Variants in RAB9B observed in about 807,000 individuals in gnomAD.
The protein encoded by RAB9B is ras-related protein Rab-9B.
In RAB9B, 1 loss-of-function variant was observed where a neutral mutation model predicts 8.9. The ratio of observed to expected loss-of-function variants is 0.11; its 90% CI spans 0.04 to 0.53. The LOEUF is 0.53. Among genes scored for constraint, RAB9B ranks in the 20% least tolerant of loss-of-function variants. The pLI is 0.93. For missense variants in RAB9B, 82 were observed against 152.9 expected (o/e 0.54, Z 2.45); for synonymous variants, 63 against 57.0 (o/e 1.10, Z -0.47).
At chrX:103,805,781 G>A in the RAB9B span, among the ~76,000 whole-genome samples, 1 of 110,761 alleles carries the variant, frequency 9.0e-6, no homozygotes, top group East Asian at 2.8e-4. Context: ...AATTCTTTAA[G>A]GTGATACTTT....
In RAB9B at chrX:103,825,900, C is replaced by T. The variant is rs2074681614; in HGVS notation, c.-42-74G>A. The T allele has an allele frequency of 4.9e-6, 4 of 822,657 alleles. No individual in the cohort carries two copies. In the African/African-American group the frequency reaches 8.3e-5, roughly 17 times the overall value. 67.8% of individuals were successfully genotyped at this position (822,657 alleles called of 1,213,427 possible). A position where few individuals can be genotyped will look rare whatever the true frequency, so the allele number is the denominator to read the frequency against. ...GAAATCAACTTCATAGCAAATTTCT[C>T]TGAATTATAAGGCCTTCTCATTCAA... is the stretch of plus-strand genomic sequence containing the variant. On this transcript the variant is annotated intron_variant, in intron 2 of 2. Transcript: ENST00000243298.
chrX:103,783,128 T>C, the RAB9B span, among the ~76,000 whole-genome samples: 899 of 111,801 alleles, frequency 8.0e-3, 6 homozygotes, highest in African/African-American at 0.028. Flanking sequence ...AAGAGGAAGA[T>C]CAATTTCTGG....
downstream of RAB9B, among the ~76,000 whole-genome samples, chrX:103,821,722 A>G (rs1183767044): frequency 1.8e-5 from 2 of 111,726 alleles, no homozygotes; most frequent in African/African-American, 6.5e-5. Context: ...CTCTGTTTAT[A>G]TTTTTTGATG....
chrX:103,808,574 C>A, the RAB9B span, among the ~76,000 whole-genome samples: 4 of 112,738 alleles, frequency 3.5e-5, no homozygotes, highest in Non-Finnish European at 7.5e-5. Context: ...GCACATGACC[C>A]ACCCCTCGTT....
the RAB9B span, among the ~76,000 whole-genome samples, chrX:103,813,744 G>GAAAAAAA: frequency 6.5e-4 from 1 of 1,527 alleles, no homozygotes; most frequent in Non-Finnish European, 1.3e-3. Context: ...CAAATGGAAA[G>GAAAAAAA]CAAAAAAAAA....
chrX:103,829,680 C>A (rs765321104), intron 1 of RAB9B, among the ~76,000 whole-genome samples: 1 of 112,033 alleles, frequency 8.9e-6, no homozygotes, highest in Non-Finnish European at 1.9e-5. Flanking sequence ...AAGGTCTTGC[C>A]CTCAGGGAGT....
At chrX:103,821,007 CACACACAA>C (rs1569434304), downstream of RAB9B, among the ~76,000 whole-genome samples, 5 of 87,573 alleles carry the variant, frequency 5.7e-5, no homozygotes, top group South Asian at 5.2e-4. Context: ...CACACACACA[CACACACAA>C]AGTTAGCTGG....
At chrX:103,805,174 C>G in the RAB9B span, among the ~76,000 whole-genome samples, 226 of 111,784 alleles carry the variant, frequency 2.0e-3, 2 homozygotes, top group East Asian at 0.022. Context: ...TAAGGAAATT[C>G]CCTGTATTCC....
chrX:103,795,601 T>G, the RAB9B span, among the ~76,000 whole-genome samples: 2 of 112,144 alleles, frequency 1.8e-5, no homozygotes, highest in East Asian at 5.6e-4. Context: ...ATGTGGCTCT[T>G]GCAATCAAAG....
the RAB9B span, chrX:103,788,107 T>C: frequency 1.8e-6 from 1 of 561,816 alleles, no homozygotes. Context: ...TTATTAATCC[T>C]TCCCTACTGA....
chrX:103,807,948 G>A, the RAB9B span, among the ~76,000 whole-genome samples: 1 of 112,452 alleles, frequency 8.9e-6, no homozygotes. Flanking sequence ...GTCATGGGAT[G>A]GAAGAGACCT....
At chrX:103,785,242 A>G in the RAB9B span, among the ~76,000 whole-genome samples, 1 of 110,848 alleles carries the variant, frequency 9.0e-6, no homozygotes, top group African/African-American at 3.3e-5. Flanking sequence ...ATGCCCGGCT[A>G]ATTTTTGTAT....
chrX:103,776,808 C>T, the RAB9B span: 2 of 480,725 alleles, frequency 4.2e-6, no homozygotes, highest in Non-Finnish European at 7.3e-6. Context: ...AGGCCTGTCC[C>T]TTTAAGGGGG....
At chrX:103,829,024 G>T (rs2074693793) in intron 1 of RAB9B, among the ~76,000 whole-genome samples, 1 of 111,882 alleles carries the variant, frequency 8.9e-6, no homozygotes, top group Non-Finnish European at 1.9e-5. Context: ...TTTTGGGGGA[G>T]AATGAAAAGC....
the RAB9B span, among the ~76,000 whole-genome samples, chrX:103,787,185 T>A: frequency 9.0e-6 from 1 of 111,476 alleles, no homozygotes; most frequent in Non-Finnish European, 1.9e-5. Flanking sequence ...TCCTGCACAG[T>A]TCGAGGTCCC....
chrX:103,780,503 A>G, the RAB9B span, among the ~76,000 whole-genome samples: 1,310 of 109,159 alleles, frequency 0.012, 25 homozygotes, highest in African/African-American at 0.042. Flanking sequence ...TATAGGAAAC[A>G]AGATAGTCCA....
At chrX:103,802,460 G>A in the RAB9B span, among the ~76,000 whole-genome samples, 1 of 111,608 alleles carries the variant, frequency 9.0e-6, no homozygotes, top group Admixed American at 9.5e-5. Flanking sequence ...TGGATACATA[G>A]AGTTTCTGAT....
chrX:103,794,580 AT>A, the RAB9B span, among the ~76,000 whole-genome samples: 1 of 112,152 alleles, frequency 8.9e-6, no homozygotes, highest in South Asian at 3.8e-4. Context: ...TATCCCCTAA[AT>A]TTATACAACA....
At chrX:103,787,188 GAGGTCC>G in the RAB9B span, among the ~76,000 whole-genome samples, 1 of 111,539 alleles carries the variant, frequency 9.0e-6, no homozygotes, top group Non-Finnish European at 1.9e-5. Flanking sequence ...TGCACAGTTC[GAGGTCC>G]CAGAGGGAAT....
Sources: gnomAD v4.1 joint callset for allele counts (sites outside exome capture counted in the v4.1 genomes callset) on GRCh38, gnomAD v4.1.1 for gene constraint, MANE v1.5 for transcripts, NCBI Gene and HGNC (gene_info 2026-07-23, HGNC 2026-07-21) for gene names.